Variants in ADGRB3 observed in about 807,000 individuals in gnomAD.
ADGRB3 encodes the protein brain-specific angiogenesis inhibitor 3.
A neutral mutation model predicts 193.4 loss-of-function variants in ADGRB3; 37 were observed. The observed-to-expected ratio is 0.19, with a 90% CI of 0.15 to 0.25. ADGRB3 has a LOEUF of 0.25. ADGRB3 is among the 10% of genes least tolerant of loss of function. The probability of loss-of-function intolerance (pLI) is 1.00; values close to 1 mark genes in which losing one functional copy is unlikely to be tolerated. For synonymous variants in ADGRB3, 690 were observed against 644.2 expected (o/e 1.07, Z -1.08); for missense variants, 1,637 against 1,852.9 (o/e 0.88, Z 2.14).
chr6:69,077,203 C>A (rs369276429), intron 17 of ADGRB3, among the ~76,000 whole-genome samples: 24 of 151,988 alleles, frequency 1.6e-4, no homozygotes, highest in African/African-American at 5.5e-4. Flanking sequence ...CTTTTTGGAA[C>A]TTTACAGACA....
chr6:68,655,579 A>G lies in ADGRB3; in HGVS notation c.757+16147A>G, dbSNP rs1768472176. The stretch of plus-strand genomic sequence containing the variant: ...AATTAAAATGCCTCCTGGACTGTTA[A>G]GTCCTCAGAAATGTATTGCATCTTT... On this transcript the variant is annotated intron_variant, in intron 3 of 31. Coordinates refer to ENST00000370598, the MANE Select transcript of ADGRB3 (RefSeq NM_001704.3). Among the ~76,000 whole-genome samples the G allele has an allele frequency of 2.0e-5, 3 of 151,878 alleles. No individual in the cohort carries two copies. In the South Asian group the frequency reaches 6.2e-4, roughly 31 times the overall value.
intron 13 of ADGRB3, among the ~76,000 whole-genome samples, chr6:69,032,079 G>A (rs948123956): frequency 1.3e-5 from 2 of 152,156 alleles, no homozygotes; most frequent in African/African-American, 4.8e-5. Flanking sequence ...ACTTTAACTA[G>A]GAAAATTTTC....
At chr6:68,688,902 G>A (rs1765025225) in intron 3 of ADGRB3, among the ~76,000 whole-genome samples, 1 of 152,086 alleles carries the variant, frequency 6.6e-6, no homozygotes, top group African/African-American at 2.4e-5. Flanking sequence ...TTGCATTAAT[G>A]ATTCCCCATT....
chr6:68,660,908 T>C (rs1447713188), intron 3 of ADGRB3, among the ~76,000 whole-genome samples: 4 of 150,980 alleles, frequency 2.6e-5, no homozygotes, highest in Admixed American at 1.3e-4. Flanking sequence ...GATAAATGGC[T>C]GTCAGAAAAT....
At chr6:69,162,079 T>C (rs1238873292) in intron 17 of ADGRB3, among the ~76,000 whole-genome samples, 3 of 152,068 alleles carry the variant, frequency 2.0e-5, no homozygotes, top group South Asian at 2.1e-4. Context: ...TCAGGAACCA[T>C]TGATGGCCAA....
intron 3 of ADGRB3, among the ~76,000 whole-genome samples, chr6:68,863,268 CA>C (rs1444571443): frequency 5.9e-5 from 9 of 151,786 alleles, no homozygotes; most frequent in Non-Finnish European, 1.5e-5. Flanking sequence ...TGAGTACAGA[CA>C]AAAGAAATGG....
chr6:69,139,928 C>A (rs1774277942), intron 17 of ADGRB3, among the ~76,000 whole-genome samples: 1 of 152,060 alleles, frequency 6.6e-6, no homozygotes, highest in Non-Finnish European at 1.5e-5. Flanking sequence ...TTTAATAAGA[C>A]CTATAGAAAT....
chr6:69,182,356 G>C (rs1284546521), intron 17 of ADGRB3, among the ~76,000 whole-genome samples: 1 of 146,876 alleles, frequency 6.8e-6, no homozygotes, highest in Non-Finnish European at 1.5e-5. Flanking sequence ...TTGTTCCCCA[G>C]AAACCTATGG....
rs184269673 is a variant in ADGRB3 at position 69,306,277 on chromosome 6, C to T, written c.2815-18595C>T. 3.6e-3 allele frequency among the ~76,000 whole-genome samples: 536 copies of T among 148,192 alleles called. 11 individuals are homozygous for T. The highest frequency in any genetic ancestry group is 0.013 in the African/African-American group (501 of 38,724). On this transcript the variant is annotated intron_variant, in intron 20 of 31. Coordinates refer to ENST00000370598, the MANE Select transcript of ADGRB3 (RefSeq NM_001704.3). ...TATCAACATAAGCCCAATGTTGTCA[C>T]GATATATTGCCATATAACATGTAAC...
rs1028087087 is a variant in ADGRB3, at chr6:69,318,961, G to A, written c.2815-5911G>A. Among the ~76,000 whole-genome samples the A allele has an allele frequency of 6.5e-4, 98 of 150,094 alleles. 1 individual carries two copies. Among genetic ancestry groups the A allele is most frequent in the Middle Eastern group, 3.5e-3 (1 of 288 alleles). ...ATATCATCACAATGGCCAAGGTTTC[G>A]CTGCTTTATTGGTCTTTCAGAGTCA... On this transcript the variant is annotated intron_variant, in intron 20 of 31. Coordinates refer to ENST00000370598, the MANE Select transcript of ADGRB3 (RefSeq NM_001704.3).
chr6:69,113,077 G>A (rs958263323), intron 17 of ADGRB3, among the ~76,000 whole-genome samples: 4 of 152,098 alleles, frequency 2.6e-5, no homozygotes, highest in Admixed American at 1.3e-4. Context: ...TAAAGTATAC[G>A]AGAGGATGTG....
At position 68,638,905 on chromosome 6, in the gene ADGRB3, A is replaced by T; in HGVS notation, c.230A>T (p.Asp77Val). 6.2e-7 allele frequency: 1 copy of T among 1,614,134 alleles called. No individual in the cohort carries two copies. Among genetic ancestry groups the T allele is most frequent in the Non-Finnish European group, 8.5e-7 (1 of 1,180,024 alleles). Reference protein sequence around the residue: ...YSIYLKFSKKDLSCSNFSLLA... With the variant: ...YSIYLKFSKKVLSCSNFSLLA... Reference sequence around the variant, plus strand: ...ATTTACCTGAAATTTTCCAAAAAGGACCTTAGCTGCTCTAACTTTTCACTC... The same window carrying T: ...ATTTACCTGAAATTTTCCAAAAAGGTCCTTAGCTGCTCTAACTTTTCACTC... Residue 77 changes from aspartate (D) to valine (V), a missense_variant, in exon 3 of 32, where the codon GAC becomes GTC. Around this residue, in one of 7 missense-constraint regions of ADGRB3, gnomAD observed 365 missense variants for 409.8 expected, o/e 0.89. Coordinates refer to ENST00000370598, the MANE Select transcript of ADGRB3 (RefSeq NM_001704.3).
intron 20 of ADGRB3, among the ~76,000 whole-genome samples, chr6:69,272,680 G>A (rs1667538927): frequency 6.6e-6 from 1 of 152,214 alleles, no homozygotes; most frequent in South Asian, 2.1e-4. Flanking sequence ...ATTAGAATAA[G>A]GAGAGATTAG....
At position 69,338,997 on chromosome 6, in the gene ADGRB3, C is replaced by A; in HGVS notation, c.3270C>A (p.Thr1090=). The A allele has an allele frequency of 6.2e-7, 1 of 1,613,672 alleles. No individual in the cohort carries two copies. The change falls in exon 25 of 32, where the codon ACC becomes ACA. Residue 1090 remains threonine (T), a synonymous_variant. Coordinates refer to ENST00000370598, the MANE Select transcript of ADGRB3 (RefSeq NM_001704.3). Reference sequence around the variant, plus strand: ...TTTCAACAACAGCTTTGTCAGCCACCACCGCCAGTAACGCCATGTTAGTCC... The same window carrying A: ...TTTCAACAACAGCTTTGTCAGCCACAACCGCCAGTAACGCCATGTTAGTCC... ...GVVSTTALSA[T]TASNAMASLW... is the part of the protein sequence containing the mutation.
intron 3 of ADGRB3, among the ~76,000 whole-genome samples, chr6:68,781,048 T>C (rs929579437): frequency 5.9e-5 from 9 of 152,218 alleles, no homozygotes; most frequent in African/African-American, 2.2e-4. Flanking sequence ...TGTTTTGTTT[T>C]ATCCTCAAGT....
At chr6:68,846,711 T>C (rs1768283081) in intron 3 of ADGRB3, among the ~76,000 whole-genome samples, 1 of 152,210 alleles carries the variant, frequency 6.6e-6, no homozygotes, top group Non-Finnish European at 1.5e-5. Context: ...TGTTTGGAAA[T>C]GCCTGGATGC....
At chr6:69,382,475 A>C (rs1383702966) in intron 30 of ADGRB3, among the ~76,000 whole-genome samples, 2 of 152,012 alleles carry the variant, frequency 1.3e-5, no homozygotes, top group Non-Finnish European at 2.9e-5. Flanking sequence ...GGTGCTTTAC[A>C]AGTTTAAGTT....
intron 10 of ADGRB3, among the ~76,000 whole-genome samples, chr6:68,979,601 G>C (rs2150267886): frequency 6.6e-6 from 1 of 151,516 alleles, no homozygotes; most frequent in South Asian, 2.1e-4. Context: ...TTTTTAATAT[G>C]TTAATGTTTC....
At chr6:68,705,564 C>G (rs200552366) in intron 3 of ADGRB3, among the ~76,000 whole-genome samples, 1 of 152,108 alleles carries the variant, frequency 6.6e-6, no homozygotes, top group African/African-American at 2.4e-5. Context: ...TCAGTGCCCC[C>G]GACCACACAC....
Sources: allele counts gnomAD v4.1 joint callset (sites outside exome capture counted in the v4.1 genomes callset), GRCh38; gene constraint gnomAD v4.1.1; regional missense constraint gnomAD v4.1.1; transcripts MANE v1.5; gene names NCBI Gene and HGNC (gene_info 2026-07-23, HGNC 2026-07-21).